The following NDRG2 variants were observed in gnomAD, a reference collection of about 807,000 sequenced individuals.
The protein encoded by NDRG2 is protein NDRG2.
NDRG2 carries 34 observed loss-of-function variants against 58.2 expected under a neutral mutation model. That is an observed-to-expected ratio of 0.58 (90% confidence interval 0.44 to 0.78). NDRG2 has a LOEUF of 0.78. Among genes scored for constraint, NDRG2 ranks in the 30% least tolerant of loss-of-function variants. NDRG2 has a pLI of 0.00. For missense variants in NDRG2, 434 were observed against 471.2 expected (o/e 0.92, Z 0.73); for synonymous variants, 187 against 175.9 (o/e 1.06, Z -0.50).
At chr14:21,021,677 A>G (rs1880436227) in intron 6 of NDRG2, 140 bp downstream of exon 6, 1 of 933,708 alleles carries the variant, frequency 1.1e-6, no homozygotes, top group African/African-American at 1.7e-5. Context: ...TCAATAATCA[A>G]GGCGGGAGCA....
At chr14:21,025,720 T>C (rs1883504173), upstream of NDRG2, 1 of 965,670 alleles carries the variant, frequency 1.0e-6, no homozygotes, top group Non-Finnish European at 1.2e-6. The surrounding 1 kb of genome is among the most constrained non-coding windows in gnomAD (Gnocchi z 5.1). Flanking sequence ...CTCCGGCTGC[T>C]CCGGGAGAAG....
rs1358194298 is a variant in NDRG2 at position 21,070,355 on chromosome 14, C to T, written c.24+473G>A. The T allele has an allele frequency of 1.4e-6, 2 of 1,409,230 alleles. No individual in the cohort carries two copies. Among genetic ancestry groups the T allele is most frequent in the East Asian group, 3.1e-5 (1 of 32,668 alleles). 87.3% of individuals were successfully genotyped at this position (1,409,230 alleles called of 1,614,324 possible). ...AGGGAGGCGGTGGCGCGCCCGGCCCCGCCCGCCCGACCAAGCGTCGGACGC... is the reference window on the plus strand; with the variant it reads ...AGGGAGGCGGTGGCGCGCCCGGCCCTGCCCGCCCGACCAAGCGTCGGACGC... On this transcript the variant is annotated intron_variant, in intron 1 of 14. Transcript: ENST00000403829. This position sits in a 1 kb window ranked among gnomAD's most constrained non-coding sequence, Gnocchi z 4.7.
At chr14:21,038,688 C>T (rs146367545) in intron 1 of NDRG2, among the ~76,000 whole-genome samples, 85 of 152,212 alleles carry the variant, frequency 5.6e-4, no homozygotes, top group African/African-American at 2.0e-3. Flanking sequence ...TGTGACAGAC[C>T]CTGATTACCA....
chr14:21,035,966 T>G (rs1293565696), intron 1 of NDRG2: 1 of 395,644 alleles, frequency 2.5e-6, no homozygotes, highest in Admixed American at 3.1e-5. Flanking sequence ...ACCATCTATC[T>G]GTTTACGAAA....
chr14:21,060,764 T>C (rs1010611793), intron 1 of NDRG2, among the ~76,000 whole-genome samples: 4 of 152,162 alleles, frequency 2.6e-5, no homozygotes, highest in Admixed American at 2.0e-4. Context: ...AGCCTCTCAG[T>C]GTTCGTTAGT....
intron 1 of NDRG2, among the ~76,000 whole-genome samples, chr14:21,038,341 T>C (rs892273998): frequency 1.3e-5 from 2 of 152,190 alleles, no homozygotes; most frequent in Non-Finnish European, 2.9e-5. Flanking sequence ...GTGGTCCTCA[T>C]CTTGTGGGAA....
rs1555332320 is a variant in NDRG2, at chr14:21,040,980, G to GTGGT, written c.25-17660_25-17659insACCA. ...GGGACTTTTGTCTTTGTTTTTTGTT[G>GTGGT]TTGTTTGTTTGTTTGTTTGTTTGTT... On this transcript the variant is annotated intron_variant, in intron 1 of 14. Transcript: ENST00000403829. 2.0e-5 allele frequency among the ~76,000 whole-genome samples: 3 copies of GTGGT among 150,688 alleles called. No homozygotes were observed. In the East Asian group the frequency reaches 5.9e-4, roughly 30 times the overall value.
Position 21,070,492 on chromosome 14 carries a change from G to T in NDRG2, c.24+336C>A. The T allele has an allele frequency of 7.4e-7, 1 of 1,353,170 alleles. No homozygotes were observed. The highest frequency in any genetic ancestry group is 9.5e-7 in the Non-Finnish European group (1 of 1,048,300). 83.8% of individuals were successfully genotyped at this position (1,353,170 alleles called of 1,614,324 possible). A position where few individuals can be genotyped will look rare whatever the true frequency, so the allele number is the denominator to read the frequency against. On this transcript the variant is annotated intron_variant, in intron 1 of 14. Transcript: ENST00000403829. The surrounding 1 kb of genome is among the most constrained non-coding windows in gnomAD (Gnocchi z 4.7). ...CCTCAGCCTGGTGCCTCCCGAGCCT[G>T]CCTCGGACTGTTCGGCCCCTCTGGG...
chr14:21,056,827 C>G (rs1165354731), intron 1 of NDRG2, among the ~76,000 whole-genome samples: 1 of 152,200 alleles, frequency 6.6e-6, no homozygotes, highest in Non-Finnish European at 1.5e-5. Context: ...GCTCCCTCAT[C>G]TTTAAAATGA....
chr14:21,019,754 A>C lies in NDRG2; in HGVS notation c.613-12T>G. The C allele has an allele frequency of 1.3e-6, 2 of 1,589,576 alleles. No individual in the cohort carries two copies. The highest frequency in any genetic ancestry group is 1.7e-6 in the Non-Finnish European group (2 of 1,158,740). On this transcript the variant is annotated splice_polypyrimidine_tract_variant and intron_variant, in intron 9 of 15. Coordinates refer to ENST00000556147, the MANE Select transcript of NDRG2 (RefSeq NM_001320329.2). ...CCAGAGAGCTCTTCCTGAAGGAGAGAACAAGGAGAAAAATTAGGGATGGAA... is the reference window on the plus strand; with the variant it reads ...CCAGAGAGCTCTTCCTGAAGGAGAGCACAAGGAGAAAAATTAGGGATGGAA...
chr14:21,029,443 A>T (rs1342339222), upstream of NDRG2, among the ~76,000 whole-genome samples: 1 of 152,168 alleles, frequency 6.6e-6, no homozygotes, highest in African/African-American at 2.4e-5. Context: ...TCTACTAAAA[A>T]TGCAAAAATT....
chr14:21,024,251 A>C lies in NDRG2; in HGVS notation c.-228T>G. Reference sequence around the variant, plus strand: ...GTCTGTCTACCCCTAAGTCCAGAGAACACGTCCTCTCTAGGCTCGAGCCGG... The same window carrying C: ...GTCTGTCTACCCCTAAGTCCAGAGACCACGTCCTCTCTAGGCTCGAGCCGG... On this transcript the variant is annotated 5_prime_UTR_variant, in exon 1 of 16. Coordinates refer to ENST00000556147, the MANE Select transcript of NDRG2 (RefSeq NM_001320329.2). The C allele has an allele frequency of 1.0e-6, 1 of 985,424 alleles. No individual in the cohort carries two copies. 61.0% of individuals were successfully genotyped at this position (985,424 alleles called of 1,614,324 possible). A position where few individuals can be genotyped will look rare whatever the true frequency, so the allele number is the denominator to read the frequency against.
In NDRG2 at chr14:21,070,340, T is replaced by C. The variant is rs1010594296; in HGVS notation, c.24+488A>G. 4 of 1,398,938 alleles carry C rather than the reference T, an allele frequency of 2.9e-6. No homozygotes were observed. The highest frequency in any genetic ancestry group is 6.2e-5 in the East Asian group (2 of 32,166). The allele number at this position is 1,398,938 out of a possible 1,614,324, so 86.7% of individuals were successfully genotyped here. Reference sequence around the variant, plus strand: ...GACACGAGCGGCGGGAGGGAGGCGGTGGCGCGCCCGGCCCCGCCCGCCCGA... The same window carrying C: ...GACACGAGCGGCGGGAGGGAGGCGGCGGCGCGCCCGGCCCCGCCCGCCCGA... On this transcript the variant is annotated intron_variant, in intron 1 of 14. Coordinates refer to the NDRG2 transcript ENST00000403829. This position sits in a 1 kb window ranked among gnomAD's most constrained non-coding sequence, Gnocchi z 4.7.
upstream of NDRG2, among the ~76,000 whole-genome samples, chr14:21,027,541 A>G (rs1474904810): frequency 6.6e-6 from 1 of 152,240 alleles, no homozygotes; most frequent in African/African-American, 2.4e-5. Flanking sequence ...GTGGGAGATT[A>G]GAGATTTCCA....
Position 21,019,613 on chromosome 14 carries a change from C to A in NDRG2, c.716+26G>T, listed in dbSNP as rs1047220440. ...AATTACTGCTTCTGCATTTCTCTCA[C>A]ATGCATACACACACAGCCCACCCAC... On this transcript the variant is annotated intron_variant, in intron 10 of 15. Coordinates refer to ENST00000556147, the MANE Select transcript of NDRG2 (RefSeq NM_001320329.2). 3 of 1,457,804 alleles carry A rather than the reference C, an allele frequency of 2.1e-6. No homozygotes were observed. The Admixed American group carries it at 5.2e-5, about 25-fold the overall frequency. 90.3% of individuals were successfully genotyped at this position (1,457,804 alleles called of 1,614,324 possible).
intron 8 of NDRG2, chr14:21,020,293 C>CAACAAAAAAAAA: frequency 2.6e-6 from 1 of 388,712 alleles, no homozygotes; most frequent in Admixed American, 4.3e-5. Flanking sequence ...GACACCATCT[C>CAACAAAAAAAAA]AAAAAAAAAA....
At chr14:21,037,054 G>A (rs553093541) in intron 1 of NDRG2, among the ~76,000 whole-genome samples, 5 of 152,234 alleles carry the variant, frequency 3.3e-5, no homozygotes, top group Admixed American at 1.3e-4. Flanking sequence ...GAATAGAAAG[G>A]GACTTTTTAT....
At position 21,017,522 on chromosome 14, in the gene NDRG2, G is replaced by A; in HGVS notation, c.*74C>T. 6.7e-7 allele frequency: 1 copy of A among 1,502,434 alleles called. No individual in the cohort carries two copies. The highest frequency in any genetic ancestry group is 1.3e-5 in the South Asian group (1 of 77,962). 93.1% of individuals were successfully genotyped at this position (1,502,434 alleles called of 1,614,324 possible). A position where few individuals can be genotyped will look rare whatever the true frequency, so the allele number is the denominator to read the frequency against. ...TTTCCCTTGCTTACGGTGGCCCAAT[G>A]CCCCTTCAGCACCTCCCAGGTTAGC... On this transcript the variant is annotated 3_prime_UTR_variant, in exon 16 of 16. Transcript: ENST00000556147.
rs1024606777 is a variant in NDRG2, at chr14:21,024,045, T to C, written c.-22A>G. Reference sequence around the variant, plus strand: ...GGTCACTTACTGGGCTCCTATTGGCTGGATGCAGTGGGATTAGGGGTCAGG... The same window carrying C: ...GGTCACTTACTGGGCTCCTATTGGCCGGATGCAGTGGGATTAGGGGTCAGG... On this transcript the variant is annotated 5_prime_UTR_variant, in exon 1 of 16. Transcript: ENST00000556147. 1.3e-5 allele frequency: 13 copies of C among 985,528 alleles called. No homozygotes were observed. Among genetic ancestry groups the C allele is most frequent in the Non-Finnish European group, 1.6e-5 (13 of 830,102 alleles). 61.0% of individuals were successfully genotyped at this position (985,528 alleles called of 1,614,324 possible).
Sources: gnomAD v4.1 joint callset for allele counts (sites outside exome capture counted in the v4.1 genomes callset) on GRCh38, gnomAD v4.1.1 for gene constraint, Gnocchi (gnomAD v3.1) non-coding constraint, MANE v1.5 for transcripts, NCBI Gene and HGNC (gene_info 2026-07-23, HGNC 2026-07-21) for gene names.